LRMDA: variants seen among roughly 807,000 people sequenced by gnomAD.
LRMDA encodes the protein leucine-rich melanocyte differentiation-associated protein.
Under a neutral mutation model 29.8 loss-of-function variants are expected in LRMDA, and 18 were observed. The ratio of observed to expected loss-of-function variants is 0.60; its 90% confidence interval spans 0.42 to 0.90. LRMDA has a LOEUF of 0.90. Ranked by LOEUF, LRMDA falls within the 40% of genes least tolerant of loss-of-function variation. The pLI is 0.00. For missense variants in LRMDA, 273 were observed against 273.9 expected, an observed-to-expected ratio of 1.00 and a Z score of 0.02; for synonymous variants, 125 against 109.4, an observed-to-expected ratio of 1.14 and a Z score of -0.89.
intron 6 of LRMDA, among the ~76,000 whole-genome samples, chr10:76,360,497 G>A (rs895975308): frequency 6.6e-6 from 1 of 152,170 alleles, no homozygotes; most frequent in Non-Finnish European, 1.5e-5. Flanking sequence ...CAGACCCTGT[G>A]TAGGCAGATC....
At chr10:75,435,047 C>T (rs931267244) in intron 1 of LRMDA, among the ~76,000 whole-genome samples, 1 of 152,148 alleles carries the variant, frequency 6.6e-6, no homozygotes, top group African/African-American at 2.4e-5. Flanking sequence ...TTTCATTTGC[C>T]TGGTAATGGT....
chr10:75,903,575 AT>A (rs1845712550), intron 2 of LRMDA, among the ~76,000 whole-genome samples: 1 of 152,204 alleles, frequency 6.6e-6, no homozygotes, highest in South Asian at 2.1e-4. Flanking sequence ...ATCATTATTA[AT>A]AACAACAACA....
At chr10:76,370,114 A>AT (rs2132456785) in intron 6 of LRMDA, among the ~76,000 whole-genome samples, 1 of 19,592 alleles carries the variant, frequency 5.1e-5, no homozygotes, top group East Asian at 7.3e-4. Flanking sequence ...CTTTTCTTAG[A>AT]TTTTATGCCA....
intron 6 of LRMDA, among the ~76,000 whole-genome samples, chr10:76,411,627 T>C (rs1221400072): frequency 1.3e-5 from 2 of 152,224 alleles, no homozygotes; most frequent in Non-Finnish European, 2.9e-5. Flanking sequence ...GTGTTGCCCA[T>C]TGTGGGATCT....
At chr10:76,139,725 T>C (rs910366940) in intron 5 of LRMDA, among the ~76,000 whole-genome samples, 1 of 152,188 alleles carries the variant, frequency 6.6e-6, no homozygotes, top group Non-Finnish European at 1.5e-5. Context: ...GACAGTGTTT[T>C]TCTAGTACAG....
chr10:76,082,462 G>A (rs1849064260), intron 5 of LRMDA, among the ~76,000 whole-genome samples: 1 of 152,030 alleles, frequency 6.6e-6, no homozygotes, highest in Admixed American at 6.6e-5. Context: ...GGTGGGAGGA[G>A]CGAGAACTAG....
At chr10:76,370,626 C>T (rs571839643) in intron 6 of LRMDA, among the ~76,000 whole-genome samples, 6 of 152,158 alleles carry the variant, frequency 3.9e-5, no homozygotes, top group African/African-American at 7.2e-5. Context: ...AGACTATATT[C>T]GTATAACTTT....
intron 2 of LRMDA, among the ~76,000 whole-genome samples, chr10:76,003,782 T>G (rs1410957641): frequency 6.6e-6 from 1 of 152,208 alleles, no homozygotes; most frequent in Non-Finnish European, 1.5e-5. Flanking sequence ...AACATTGGAA[T>G]GCCTGGAATA....
At chr10:75,620,444 GC>G (rs1367334969) in intron 2 of LRMDA, among the ~76,000 whole-genome samples, 1 of 152,146 alleles carries the variant, frequency 6.6e-6, no homozygotes, top group Non-Finnish European at 1.5e-5. Flanking sequence ...GTGGGTTTTG[GC>G]TGGGGGTTGG....
intron 2 of LRMDA, among the ~76,000 whole-genome samples, chr10:75,457,356 A>G (rs1844531545): frequency 6.6e-6 from 1 of 152,230 alleles, no homozygotes; most frequent in South Asian, 2.1e-4. Context: ...CAGGCTCATG[A>G]AAAGGGGACA....
chr10:76,050,778 C>G (rs997878023), intron 4 of LRMDA, among the ~76,000 whole-genome samples: 1 of 152,198 alleles, frequency 6.6e-6, no homozygotes, highest in Non-Finnish European at 1.5e-5. Context: ...CCAGAATGGT[C>G]TATTTCTTGT....
At chr10:75,963,914 G>T (rs955363158) in intron 2 of LRMDA, among the ~76,000 whole-genome samples, 1 of 152,182 alleles carries the variant, frequency 6.6e-6, no homozygotes, top group Non-Finnish European at 1.5e-5. Context: ...TGTGCTTAAT[G>T]GTGGCAGGCT....
intron 2 of LRMDA, among the ~76,000 whole-genome samples, chr10:75,558,755 T>C (rs1159647921): frequency 6.5e-4 from 93 of 142,300 alleles, no homozygotes; most frequent in Admixed American, 1.8e-3. Flanking sequence ...TTGTTCAATT[T>C]CCACCTATGA....
intron 5 of LRMDA, among the ~76,000 whole-genome samples, chr10:76,142,477 G>A (rs1850220993): frequency 6.6e-6 from 1 of 150,574 alleles, no homozygotes; most frequent in Non-Finnish European, 1.5e-5. Flanking sequence ...CTTAGTTTGG[G>A]GCTGTTTAAA....
At chr10:75,730,221 G>A (rs951873768) in intron 2 of LRMDA, among the ~76,000 whole-genome samples, 4 of 152,124 alleles carry the variant, frequency 2.6e-5, no homozygotes, top group South Asian at 2.1e-4. Context: ...GTTGATGTCC[G>A]AATTTAGTGA....
chr10:75,679,862 G>T (rs1842003257), intron 2 of LRMDA, among the ~76,000 whole-genome samples: 1 of 151,978 alleles, frequency 6.6e-6, no homozygotes, highest in Admixed American at 6.6e-5. Context: ...GAGCTCTGTT[G>T]CGTGTTGTGT....
At chr10:75,492,677 T>C (rs1036026420) in intron 2 of LRMDA, among the ~76,000 whole-genome samples, 3 of 152,252 alleles carry the variant, frequency 2.0e-5, no homozygotes, top group Non-Finnish European at 4.4e-5. Context: ...TGTTAAAATT[T>C]GCTCTCCCCC....
chr10:75,621,258 AT>A (rs1297293275), intron 2 of LRMDA, among the ~76,000 whole-genome samples: 4 of 151,420 alleles, frequency 2.6e-5, no homozygotes, highest in Admixed American at 2.6e-4. Context: ...CATTTTCTTT[AT>A]CCACTCATTG....
At chr10:75,932,617 A>C (rs182796834) in intron 2 of LRMDA, among the ~76,000 whole-genome samples, 2 of 152,196 alleles carry the variant, frequency 1.3e-5, no homozygotes, top group East Asian at 3.9e-4. Context: ...ATCTCAAACA[A>C]AACAAACCAA....
Sources: gnomAD v4.1 joint callset for allele counts (sites outside exome capture counted in the v4.1 genomes callset) on GRCh38, gnomAD v4.1.1 for gene constraint, MANE v1.5 for transcripts, NCBI Gene and HGNC (gene_info 2026-07-23, HGNC 2026-07-21) for gene names.